ABCA13: variants seen among roughly 807,000 people sequenced by gnomAD.
ABCA13 encodes the protein ATP-binding cassette sub-family A member 13.
A neutral mutation model predicts 478.7 loss-of-function variants in ABCA13; 476 were observed. That is an observed-to-expected ratio of 0.99 (90% CI 0.92 to 1.07). ABCA13 has a LOEUF of 1.07. Ranked by LOEUF, ABCA13 falls within the 50% of genes least tolerant of loss-of-function variation. ABCA13 has a pLI of 0.00. For synonymous variants in ABCA13, 2,252 were observed against 2,158.9 expected (o/e 1.04, Z -1.20); for missense variants, 6,060 against 5,910.6 (o/e 1.03, Z -0.83).
chr7:48,435,147 C>T (rs1214901719), intron 42 of ABCA13, among the ~76,000 whole-genome samples: 2 of 151,794 alleles, frequency 1.3e-5, no homozygotes, highest in Admixed American at 1.3e-4. Flanking sequence ...CATAGACTAT[C>T]CTTCCACCTG....
chr7:48,519,634 A>C (rs1473639884), intron 52 of ABCA13, among the ~76,000 whole-genome samples: 1 of 152,140 alleles, frequency 6.6e-6, no homozygotes, highest in African/African-American at 2.4e-5. Context: ...TATAATTATC[A>C]TTTTCACATA....
intron 29 of ABCA13, among the ~76,000 whole-genome samples, chr7:48,345,924 A>T (rs1027461351): frequency 1.3e-5 from 2 of 152,184 alleles, no homozygotes; most frequent in African/African-American, 4.8e-5. Flanking sequence ...AAAATCTTTC[A>T]TATCATATTT....
At chr7:48,431,342 AAAC>A (rs56675430) in intron 42 of ABCA13, among the ~76,000 whole-genome samples, 25,718 of 147,866 alleles carry the variant, frequency 0.17, 2,309 homozygotes, top group South Asian at 0.22. Flanking sequence ...ATTCTGTCTC[AAAC>A]AACAACAACA....
chr7:48,309,812 C>T (rs979825867), intron 23 of ABCA13, 135 bp from the exon 24 acceptor site: 11 of 892,622 alleles, frequency 1.2e-5, no homozygotes, highest in Admixed American at 5.4e-5. Flanking sequence ...TTGGGCTCCC[C>T]GCATCTGCAG....
intron 48 of ABCA13, among the ~76,000 whole-genome samples, chr7:48,500,884 GGACATAGTCCT>G (rs1830680809): frequency 1.3e-5 from 2 of 152,166 alleles, no homozygotes. Context: ...ACCTTACACA[GGACATAGTCCT>G]GTGAGTGGGC....
intron 43 of ABCA13, among the ~76,000 whole-genome samples, chr7:48,461,606 C>A (rs184794850): frequency 6.6e-6 from 1 of 152,208 alleles, no homozygotes; most frequent in South Asian, 2.1e-4. Flanking sequence ...CATGCTCTAC[C>A]CAACCATGAA....
chr7:48,524,918 A>G (rs983421103), intron 54 of ABCA13, among the ~76,000 whole-genome samples: 3 of 152,216 alleles, frequency 2.0e-5, no homozygotes, highest in African/African-American at 7.2e-5. Context: ...TATAATGTTT[A>G]ATCAGAACTG....
At chr7:48,246,242 C>T (rs1249355890) in intron 13 of ABCA13, among the ~76,000 whole-genome samples, 1 of 152,186 alleles carries the variant, frequency 6.6e-6, no homozygotes, top group Non-Finnish European at 1.5e-5. Context: ...TGGCCAAAAC[C>T]TACTTGAAAT....
In ABCA13 at chr7:48,207,761, G is replaced by C. The variant is rs56933308; in HGVS notation, c.287+9401G>C. Among the ~76,000 whole-genome samples, 4 of 152,166 alleles carry C rather than the reference G, an allele frequency of 2.6e-5. No individual in the cohort carries two copies. In the East Asian group the frequency reaches 7.7e-4, roughly 29 times the overall value. ...CATTCTGCGAGTTGTTTCTTAACTTGGTTTGTTATATTATTTTCTTTGCTG... is the reference window on the plus strand; with the variant it reads ...CATTCTGCGAGTTGTTTCTTAACTTCGTTTGTTATATTATTTTCTTTGCTG... On this transcript the variant is annotated intron_variant, in intron 3 of 61. Coordinates refer to ENST00000435803, the MANE Select transcript of ABCA13 (RefSeq NM_152701.5).
chr7:48,571,462 T>C (rs1408287422), intron 55 of ABCA13, among the ~76,000 whole-genome samples: 1 of 152,098 alleles, frequency 6.6e-6, no homozygotes, highest in African/African-American at 2.4e-5. Flanking sequence ...TATTTCTTCT[T>C]TACTGTAGAA....
rs555177453 is a variant in ABCA13, at chr7:48,261,046, A to T, written c.2006-7934A>T. Among the ~76,000 whole-genome samples, 4 of 152,024 alleles carry T rather than the reference A, an allele frequency of 2.6e-5. No individual in the cohort carries two copies. The East Asian group carries it at 5.8e-4, about 22-fold the overall frequency. ...ATTGGTAATTTAGTTGGGCATAAAAACATAAATTTGAAATTAGTTTGCCTC... is the reference window on the plus strand; with the variant it reads ...ATTGGTAATTTAGTTGGGCATAAAATCATAAATTTGAAATTAGTTTGCCTC... On this transcript the variant is annotated intron_variant, in intron 15 of 61. Coordinates refer to ENST00000435803, the MANE Select transcript of ABCA13 (RefSeq NM_152701.5).
intron 39 of ABCA13, 92 bp downstream of exon 39, chr7:48,403,971 C>A (rs1817946221): frequency 7.0e-7 from 1 of 1,428,256 alleles, no homozygotes; most frequent in Non-Finnish European, 9.6e-7. Context: ...AGTTGTATCC[C>A]AGTGAGGCTA....
intron 2 of ABCA13, among the ~76,000 whole-genome samples, chr7:48,197,617 A>G (rs2128909939): frequency 6.6e-6 from 1 of 151,338 alleles, no homozygotes; most frequent in East Asian, 1.9e-4. Flanking sequence ...TGCAGCCATC[A>G]GCATCCTCAC....
In ABCA13 at chr7:48,352,326, C is replaced by G. The variant is rs370917914; in HGVS notation, c.10527C>G (p.His3509Gln). ...TAAAAAACCCTTCTTGGAAGTTCCA[C>G]CCTCAGAATCTACCAGCTGATGGGT... is the stretch of plus-strand genomic sequence containing the variant. The part of the protein sequence containing the change: ...DVVKNPSWKF[H>Q]PQNLPADGFK... Residue 3509 changes from histidine to glutamine, a missense_variant, in exon 31 of 62, where the codon CAC becomes CAG. This residue lies in a region of ABCA13 where 4,423 missense variants were observed against 4,309.1 expected (regional missense o/e 1.03). Transcript: ENST00000435803. 3 of 1,613,710 alleles carry G rather than the reference C, an allele frequency of 1.9e-6. No individual in the cohort carries two copies. The African/African-American group carries it at 4.0e-5, about 22-fold the overall frequency.
chr7:48,593,200 G>T (rs1585912033), intron 57 of ABCA13, among the ~76,000 whole-genome samples: 3 of 140,992 alleles, frequency 2.1e-5, no homozygotes, highest in South Asian at 2.3e-4. Flanking sequence ...TTTTTGTGTT[G>T]GTATGTTGGT....
intron 35 of ABCA13, among the ~76,000 whole-genome samples, chr7:48,378,014 G>A (rs2129038522): frequency 6.6e-6 from 1 of 152,214 alleles, no homozygotes; most frequent in African/African-American, 2.4e-5. Context: ...GGCTCTTGGG[G>A]CAATATTTTT....
chr7:48,355,746 G>C (rs1809796300), intron 31 of ABCA13, among the ~76,000 whole-genome samples: 1 of 151,960 alleles, frequency 6.6e-6, no homozygotes, highest in African/African-American at 2.4e-5. Flanking sequence ...GGGCGTGATA[G>C]AGAGACATCG....
At chr7:48,239,472 T>C (rs1584381289) in intron 9 of ABCA13, 67 bp downstream of exon 9, 1 of 1,481,604 alleles carries the variant, frequency 6.7e-7, no homozygotes, top group Non-Finnish European at 9.0e-7. Context: ...TCCATTCTCC[T>C]CCCCTGCCCT....
chr7:48,597,646 A>G (rs951605504), intron 58 of ABCA13, among the ~76,000 whole-genome samples: 2 of 152,158 alleles, frequency 1.3e-5, no homozygotes, highest in Admixed American at 6.5e-5. Context: ...TAGGCATCCT[A>G]GTGAAGTGGG....
Sources: gnomAD v4.1 joint callset for allele counts (sites outside exome capture counted in the v4.1 genomes callset) on GRCh38, gnomAD v4.1.1 for gene constraint, gnomAD v4.1.1 regional missense constraint, MANE v1.5 for transcripts, NCBI Gene and HGNC (gene_info 2026-07-23, HGNC 2026-07-21) for gene names.